SH3GL2: variants seen among roughly 807,000 people sequenced by gnomAD.
SH3GL2 encodes SH3 domain containing GRB2 like 2, endophilin A1.
In SH3GL2, 24 loss-of-function variants were observed where a neutral mutation model predicts 46.0. That is an observed-to-expected ratio of 0.52 (90% CI 0.38 to 0.73). The LOEUF is 0.73. Ranked by LOEUF, SH3GL2 falls within the 30% of genes least tolerant of loss-of-function variation. The probability of loss-of-function intolerance (pLI) is 0.00; values close to 1 mark genes in which losing one functional copy is unlikely to be tolerated. For missense variants in SH3GL2, 413 were observed against 424.2 expected, an observed-to-expected ratio of 0.97 and a Z score of 0.23; for synonymous variants, 196 against 147.1, an observed-to-expected ratio of 1.33 and a Z score of -2.40.
chr9:17,581,696 G>A (rs962595449), intron 1 of SH3GL2, among the ~76,000 whole-genome samples: 3 of 151,978 alleles, frequency 2.0e-5, no homozygotes, highest in Admixed American at 1.3e-4. Flanking sequence ...TTGTTTGTTT[G>A]TTTATTTATT....
intron 1 of SH3GL2, among the ~76,000 whole-genome samples, chr9:17,663,693 G>A (rs927980065): frequency 6.6e-5 from 10 of 152,118 alleles, no homozygotes; most frequent in Admixed American, 5.9e-4. Context: ...ATTTACTGAG[G>A]AACAATTTAA....
intron 1 of SH3GL2, among the ~76,000 whole-genome samples, chr9:17,728,004 G>C (rs1822066374): frequency 6.6e-6 from 1 of 152,140 alleles, no homozygotes; most frequent in Non-Finnish European, 1.5e-5. Flanking sequence ...TCTCAGGGAA[G>C]ACAGGAAGCA....
intron 1 of SH3GL2, among the ~76,000 whole-genome samples, chr9:17,732,192 G>T (rs1822204494): frequency 6.6e-6 from 1 of 151,864 alleles, no homozygotes; most frequent in Non-Finnish European, 1.5e-5. Context: ...ACCTGTTTAA[G>T]GTAGTACTGT....
chr9:17,782,360 G>C (rs1823834191), intron 3 of SH3GL2, among the ~76,000 whole-genome samples: 2 of 152,258 alleles, frequency 1.3e-5, no homozygotes, highest in Middle Eastern at 3.4e-3. Context: ...TCCTCACATA[G>C]AGCAGATTTT....
intron 1 of SH3GL2, among the ~76,000 whole-genome samples, chr9:17,643,755 T>C (rs1339120437): frequency 2.1e-4 from 32 of 152,242 alleles, no homozygotes; most frequent in Non-Finnish European, 2.9e-5. Context: ...TTGAGCATTT[T>C]CACATTGGTG....
At chr9:17,649,051 T>A (rs958729770) in intron 1 of SH3GL2, among the ~76,000 whole-genome samples, 1 of 152,342 alleles carries the variant, frequency 6.6e-6, no homozygotes, top group Non-Finnish European at 1.5e-5. Flanking sequence ...GTGGGCTTTT[T>A]TTCCTTTTTC....
At chr9:17,785,563 A>C (rs1475367898) in intron 3 of SH3GL2, among the ~76,000 whole-genome samples, 1 of 152,196 alleles carries the variant, frequency 6.6e-6, no homozygotes. Context: ...TCCTAGGTTA[A>C]TGTGTAATCC....
chr9:17,685,976 A>G (rs1378855827), intron 1 of SH3GL2, among the ~76,000 whole-genome samples: 155 of 147,540 alleles, frequency 1.1e-3, no homozygotes, highest in African/African-American at 3.6e-3. Context: ...TCTGCACAGC[A>G]AAAGAAACTA....
chr9:17,637,236 C>CAT (rs1157636514), intron 1 of SH3GL2, among the ~76,000 whole-genome samples: 1 of 152,062 alleles, frequency 6.6e-6, no homozygotes, highest in African/African-American at 2.4e-5. Context: ...CAACTTTAGC[C>CAT]ATATATATCT....
intron 1 of SH3GL2, among the ~76,000 whole-genome samples, chr9:17,662,867 G>C (rs1012329026): frequency 6.6e-6 from 1 of 151,986 alleles, no homozygotes; most frequent in African/African-American, 2.4e-5. Context: ...CCGCCACCAC[G>C]CCCAGCTCAT....
intron 8 of SH3GL2, among the ~76,000 whole-genome samples, chr9:17,793,976 C>T (rs1203499366): frequency 1.3e-5 from 2 of 152,206 alleles, no homozygotes; most frequent in Admixed American, 1.3e-4. Context: ...TTTCTTGAGT[C>T]ACAGAAGCAT....
chr9:17,676,522 C>G (rs1347878643), intron 1 of SH3GL2, among the ~76,000 whole-genome samples: 1 of 152,194 alleles, frequency 6.6e-6, no homozygotes, highest in East Asian at 1.9e-4. Flanking sequence ...AGGAGAATCA[C>G]TTGAACCCAG....
At chr9:17,622,977 T>TTTCGTTTCCTTTCCTTTCCTTTCCG (rs1819179922) in intron 1 of SH3GL2, among the ~76,000 whole-genome samples, 1 of 67,144 alleles carries the variant, frequency 1.5e-5, no homozygotes, top group African/African-American at 5.8e-5. Flanking sequence ...TTTCCTTTCG[T>TTTCGTTTCCTTTCCTTTCCTTTCCG]TTCCTTTCGT....
intron 1 of SH3GL2, among the ~76,000 whole-genome samples, chr9:17,638,429 G>T (rs1190326076): frequency 6.6e-6 from 1 of 152,180 alleles, no homozygotes; most frequent in African/African-American, 2.4e-5. Flanking sequence ...ACTTACAGTA[G>T]AGAGAGACAA....
intron 1 of SH3GL2, among the ~76,000 whole-genome samples, chr9:17,622,225 T>A (rs1440642323): frequency 6.6e-6 from 1 of 152,072 alleles, no homozygotes; most frequent in Non-Finnish European, 1.5e-5. Flanking sequence ...GGTGGTACAT[T>A]AAAAAAAAGT....
At chr9:17,721,360 C>G (rs72614240) in intron 1 of SH3GL2, among the ~76,000 whole-genome samples, 10,063 of 152,024 alleles carry the variant, frequency 0.066, 449 homozygotes, top group Admixed American at 0.13. Context: ...ATTCTCTCAC[C>G]AGAGATAGTT....
rs373371553 is a variant in SH3GL2, at chr9:17,610,699, C to G, written c.45+31412C>G. Among the ~76,000 whole-genome samples, 19 of 151,274 alleles carry G rather than the reference C, an allele frequency of 1.3e-4. 1 individual carries two copies. In the South Asian group the frequency reaches 4.0e-3, roughly 32 times the overall value. ...TTTAACACAAAATTATTAAGCAAAG[C>G]CATTCAAGAAGTACAGCAAGTTTTC... On this transcript the variant is annotated intron_variant, in intron 1 of 8. Transcript: ENST00000380607.
chr9:17,790,469 A>T, intron 6 of SH3GL2: 1 of 969,106 alleles, frequency 1.0e-6, no homozygotes, highest in Non-Finnish European at 1.2e-6. Flanking sequence ...GAGACAGTGT[A>T]GGTTTTTGTT....
chr9:17,603,120 G>A (rs1331314077), intron 1 of SH3GL2, among the ~76,000 whole-genome samples: 1 of 152,138 alleles, frequency 6.6e-6, no homozygotes, highest in Non-Finnish European at 1.5e-5. Flanking sequence ...TAATTCCAGA[G>A]CAGCAAAGAG....
Sources: allele counts gnomAD v4.1 joint callset (sites outside exome capture counted in the v4.1 genomes callset), GRCh38; gene constraint gnomAD v4.1.1; transcripts MANE v1.5; gene names NCBI Gene and HGNC (gene_info 2026-07-23, HGNC 2026-07-21).